The following ITGA8 variants were observed in gnomAD, a reference collection of about 807,000 sequenced individuals.
ITGA8 encodes the protein integrin subunit alpha 8.
In ITGA8, 91 loss-of-function variants were observed where a neutral mutation model predicts 142.3. The observed-to-expected ratio is 0.64, with a 90% CI of 0.54 to 0.76. The LOEUF (loss-of-function observed/expected upper bound fraction) is 0.76. ITGA8 is among the 30% of genes least tolerant of loss of function. The pLI, the probability that ITGA8 is intolerant of heterozygous loss-of-function variation, is 0.00. For missense variants in ITGA8, 1,406 were observed against 1,327.7 expected (o/e 1.06, Z -0.92); for synonymous variants, 505 against 485.2 (o/e 1.04, Z -0.54).
At chr10:15,619,922 G>A (rs1278116635) in intron 13 of ITGA8, among the ~76,000 whole-genome samples, 1 of 152,182 alleles carries the variant, frequency 6.6e-6, no homozygotes, top group East Asian at 1.9e-4. Flanking sequence ...CCCAAATAAG[G>A]TGAAATATTT....
chr10:15,575,932 T>G (rs1288016235), intron 23 of ITGA8, among the ~76,000 whole-genome samples: 2 of 139,784 alleles, frequency 1.4e-5, no homozygotes, highest in Non-Finnish European at 3.1e-5. Flanking sequence ...CTATTTCACA[T>G]GTGAGAACGT....
At chr10:15,542,231 T>C (rs941037354) in intron 27 of ITGA8, among the ~76,000 whole-genome samples, 1 of 152,354 alleles carries the variant, frequency 6.6e-6, no homozygotes, top group East Asian at 1.9e-4. Flanking sequence ...AATGGAAATA[T>C]GCTTCCCTAA....
rs772925600 is a variant in ITGA8 at position 15,592,324 on chromosome 10, C to T, written c.2212-20G>A. 2 of 1,559,632 alleles carry T rather than the reference C, an allele frequency of 1.3e-6. No individual in the cohort carries two copies. Among genetic ancestry groups the T allele is most frequent in the South Asian group, 2.2e-5 (2 of 89,452 alleles). Reference sequence around the variant, plus strand: ...GGAATACTAAAAAATAAAATAAAATCACACAAGAGTAGCTTGTACACAACA... The same window carrying T: ...GGAATACTAAAAAATAAAATAAAATTACACAAGAGTAGCTTGTACACAACA... On this transcript the variant is annotated intron_variant, in intron 21 of 29. Transcript: ENST00000378076.
Position 15,687,941 on chromosome 10 carries a change from A to C in ITGA8, c.441T>G (p.Val147=). The C allele has an allele frequency of 6.2e-7, 1 of 1,602,776 alleles. No individual in the cohort carries two copies. The part of the protein sequence containing the change: ...GATVKAHKGK[V]VACAPLYHWR... ...CAAGCCCACGGCTCATACTCACCAC[A>C]ACTTTTCCTTTGTGAGCTTTCACTG... The change falls in exon 3 of 30, where the codon GTT becomes GTG. Residue 147 remains valine (V), a synonymous_variant. Transcript: ENST00000378076.
intron 2 of ITGA8, among the ~76,000 whole-genome samples, chr10:15,697,708 A>C (rs1307511485): frequency 6.6e-6 from 1 of 152,234 alleles, no homozygotes; most frequent in African/African-American, 2.4e-5. Flanking sequence ...CAAATTTTAT[A>C]TAACTTTTAT....
rs184604504 is a variant in ITGA8, at chr10:15,655,442, C to G, written c.949-36G>C. The G allele has an allele frequency of 6.9e-6, 10 of 1,456,622 alleles. 1 individual carries two copies. The Admixed American group carries it at 1.5e-4, about 22-fold the overall frequency. The allele number at this position is 1,456,622 out of a possible 1,614,324, so 90.2% of individuals were successfully genotyped here. A position where few individuals can be genotyped will look rare whatever the true frequency, so the allele number is the denominator to read the frequency against. On this transcript the variant is annotated intron_variant, in intron 10 of 29. Transcript: ENST00000378076. ...AAATCAGGAGATGACATTTTGTGTCCAAAAAGTCATTTTTGTAGTCATGTC... is the reference window on the plus strand; with the variant it reads ...AAATCAGGAGATGACATTTTGTGTCGAAAAAGTCATTTTTGTAGTCATGTC...
Position 15,519,345 on chromosome 10 carries a change from A to G in ITGA8, c.3050T>C (p.Leu1017Pro), listed in dbSNP as rs1330580662. The G allele has an allele frequency of 1.9e-6, 3 of 1,613,504 alleles. No individual in the cohort carries two copies. The highest frequency in any genetic ancestry group is 2.2e-5 in the South Asian group (2 of 91,070). Residue 1017 changes from leucine (L) to proline (P), a missense_variant, in exon 29 of 30, where the codon CTA becomes CCA. Transcript: ENST00000378076. ...SFSIPLWVII[L>P]AILLGLLVLA... ...AACCAACAATCCAAGAAGTATTGCTAGTATTATTACCCATAATGGGATTGA... is the reference window on the plus strand; with the variant it reads ...AACCAACAATCCAAGAAGTATTGCTGGTATTATTACCCATAATGGGATTGA...
chr10:15,567,354 A>G (rs1238177243), intron 25 of ITGA8, among the ~76,000 whole-genome samples: 2 of 152,338 alleles, frequency 1.3e-5, no homozygotes, highest in African/African-American at 4.8e-5. Context: ...CTGGCTTTAG[A>G]TTAGTTGAGA....
Position 15,531,142 on chromosome 10 carries a change from C to G in ITGA8, c.2890G>C (p.Asp964His), listed in dbSNP as rs1358052662. 2.7e-6 allele frequency: 4 copies of G among 1,487,774 alleles called. No homozygotes were observed. The highest frequency in any genetic ancestry group is 3.6e-6 in the Non-Finnish European group (4 of 1,116,046). The allele number at this position is 1,487,774 out of a possible 1,614,324, so 92.2% of individuals were successfully genotyped here. A position where few individuals can be genotyped will look rare whatever the true frequency, so the allele number is the denominator to read the frequency against. ...WAHTFLQRKNDPYALASLVSF... is the reference protein window; with the variant it reads ...WAHTFLQRKNHPYALASLVSF... ...ACCAGGGATGCAAGAGCATAGGGAT[C>G]ATTTTTTCTCTGAAAGTAAAAGTAT... The change falls in exon 28 of 30, where the codon GAT becomes CAT. Residue 964 changes from aspartate (D) to histidine (H), a missense_variant. Transcript: ENST00000378076.
At chr10:15,522,569 A>C (rs1054580629) in intron 28 of ITGA8, among the ~76,000 whole-genome samples, 2 of 152,208 alleles carry the variant, frequency 1.3e-5, no homozygotes, top group Non-Finnish European at 2.9e-5. Flanking sequence ...TTTCATGTAA[A>C]TATTACTTCC....
chr10:15,517,148 T>A lies in ITGA8; in HGVS notation c.*10A>T, dbSNP rs1221196063. ...GTGTTTGAGGTCTTTGGTCTTCTTT[T>A]TTTTTCTTGTCATGCCTCAGGGGTC... On this transcript the variant is annotated 3_prime_UTR_variant, in exon 30 of 30. Coordinates refer to ENST00000378076, the MANE Select transcript of ITGA8 (RefSeq NM_003638.3). 1 of 1,604,518 alleles carries A rather than the reference T, an allele frequency of 6.2e-7. No individual in the cohort carries two copies. Among genetic ancestry groups the A allele is most frequent in the African/African-American group, 1.3e-5 (1 of 74,408 alleles).
chr10:15,613,902 G>A lies in ITGA8; in HGVS notation c.1446-135C>T, dbSNP rs1420681608. ...GCCATTGCCAACGTTCTCAGCATTT[G>A]TGCCAAGAATTTTGCTCACTGCATG... On this transcript the variant is annotated intron_variant, in intron 14 of 29. Transcript: ENST00000378076. The A allele has an allele frequency of 1.9e-5, 12 of 627,338 alleles. No individual in the cohort carries two copies. The East Asian group carries it at 2.8e-4, about 15-fold the overall frequency. 38.9% of individuals were successfully genotyped at this position (627,338 alleles called of 1,614,324 possible). A position where few individuals can be genotyped will look rare whatever the true frequency, so the allele number is the denominator to read the frequency against.
chr10:15,637,804 A>C (rs1833798707), intron 13 of ITGA8, among the ~76,000 whole-genome samples: 1 of 31,406 alleles, frequency 3.2e-5, no homozygotes, highest in African/African-American at 5.6e-5. Context: ...CTAACTTTAA[A>C]AGTTTTTTTT....
chr10:15,534,987 A>G (rs1833393119), intron 27 of ITGA8, among the ~76,000 whole-genome samples: 1 of 151,882 alleles, frequency 6.6e-6, no homozygotes, highest in African/African-American at 2.4e-5. Flanking sequence ...ACGGGGGGAG[A>G]GGCGCAGGCG....
intron 25 of ITGA8, among the ~76,000 whole-genome samples, chr10:15,568,337 T>C (rs1435375017): frequency 6.6e-6 from 1 of 152,204 alleles, no homozygotes; most frequent in Non-Finnish European, 1.5e-5. Flanking sequence ...ACAAGTGAGA[T>C]GGTTGTGGAT....
chr10:15,600,016 C>T (rs1305335306), intron 20 of ITGA8, among the ~76,000 whole-genome samples: 2 of 152,198 alleles, frequency 1.3e-5, no homozygotes, highest in Non-Finnish European at 2.9e-5. Context: ...AGCTGTATAA[C>T]CTTGCGCATG....
chr10:15,563,161 C>T (rs1588646374), intron 25 of ITGA8, among the ~76,000 whole-genome samples: 1 of 151,910 alleles, frequency 6.6e-6, no homozygotes, highest in Non-Finnish European at 1.5e-5. Context: ...AGAAGCCAAG[C>T]AGTTGCCAGC....
At chr10:15,569,082 T>C (rs1834130102) in intron 25 of ITGA8, among the ~76,000 whole-genome samples, 1 of 152,174 alleles carries the variant, frequency 6.6e-6, no homozygotes, top group Non-Finnish European at 1.5e-5. Context: ...GAGAGCATTT[T>C]TCCAGTGGGA....
intron 27 of ITGA8, among the ~76,000 whole-genome samples, chr10:15,544,871 T>C (rs187287340): frequency 6.6e-6 from 1 of 152,284 alleles, no homozygotes; most frequent in East Asian, 1.9e-4. Context: ...CTAGTCGCCA[T>C]GTTAGGAGAT....
Sources: gnomAD v4.1 joint callset for allele counts (sites outside exome capture counted in the v4.1 genomes callset) on GRCh38, gnomAD v4.1.1 for gene constraint, MANE v1.5 for transcripts, NCBI Gene and HGNC (gene_info 2026-07-23, HGNC 2026-07-21) for gene names.